The following ATRNL1 variants were observed in gnomAD, a reference collection of about 807,000 sequenced individuals.
ATRNL1 encodes the protein attractin-like protein 1.
ATRNL1 carries 95 observed loss-of-function variants against 182.7 expected under a neutral mutation model. That is an observed-to-expected ratio of 0.52 (90% CI 0.44 to 0.62). ATRNL1 has a LOEUF of 0.62. Among genes scored for constraint, ATRNL1 ranks in the 20% least tolerant of loss-of-function variants. The probability of loss-of-function intolerance (pLI) is 0.00; values close to 1 mark genes in which losing one functional copy is unlikely to be tolerated. For missense variants in ATRNL1, 1,471 were observed against 1,679.5 expected, an observed-to-expected ratio of 0.88 and a Z score of 2.17; for synonymous variants, 576 against 568.3, an observed-to-expected ratio of 1.01 and a Z score of -0.19.
In ATRNL1 at chr10:115,945,927, A is replaced by T. The variant is rs1390280337; in HGVS notation, c.*1148A>T. 6.6e-6 allele frequency: 1 copy of T among 152,212 alleles called. No individual in the cohort carries two copies. Among genetic ancestry groups the T allele is most frequent in the Non-Finnish European group, 1.5e-5 (1 of 68,044 alleles). 9.4% of individuals were successfully genotyped at this position (152,212 alleles called of 1,614,324 possible). ...AGAAAATATGTCCATGGTTGCCCAC[A>T]GTCAGCACACTCTTAGTGACTCAAA... is the stretch of plus-strand genomic sequence containing the variant. On this transcript the variant is annotated 3_prime_UTR_variant, in exon 29 of 29. Transcript: ENST00000355044.
chr10:115,660,647 G>A (rs1555037434), intron 26 of ATRNL1, among the ~76,000 whole-genome samples: 7 of 151,964 alleles, frequency 4.6e-5, no homozygotes, highest in Non-Finnish European at 1.5e-5. Context: ...AAATGAACAG[G>A]GTGACAAACC....
intron 28 of ATRNL1, among the ~76,000 whole-genome samples, chr10:115,924,662 TAGTTTGA>T (rs1431659030): frequency 3.3e-5 from 5 of 152,348 alleles, no homozygotes; most frequent in Admixed American, 3.3e-4. Context: ...CCTTGTAAGA[TAGTTTGA>T]AGTCAGGTAG....
intron 15 of ATRNL1, among the ~76,000 whole-genome samples, chr10:115,294,930 C>T (rs1317113639): frequency 6.6e-6 from 1 of 152,092 alleles, no homozygotes; most frequent in Non-Finnish European, 1.5e-5. Flanking sequence ...AGAGTGTGCT[C>T]ACCTTGCTGT....
intron 24 of ATRNL1, among the ~76,000 whole-genome samples, chr10:115,495,827 A>G (rs1215160517): frequency 2.6e-5 from 4 of 152,036 alleles, no homozygotes; most frequent in East Asian, 1.9e-4. Context: ...CTGTAGATGT[A>G]TGTTAGGTCC....
At chr10:115,147,367 GGTCCCT>G (rs1400460315) in intron 5 of ATRNL1, among the ~76,000 whole-genome samples, 2 of 152,000 alleles carry the variant, frequency 1.3e-5, no homozygotes, top group African/African-American at 4.8e-5. Flanking sequence ...CTGGATTTTA[GGTCCCT>G]GTCAGTAACA....
chr10:115,298,770 T>G (rs1437742543), intron 15 of ATRNL1, among the ~76,000 whole-genome samples: 2 of 152,134 alleles, frequency 1.3e-5, no homozygotes, highest in African/African-American at 4.8e-5. Context: ...ATTTTTATTC[T>G]AATGAATTTT....
At chr10:115,921,283 TATAG>T (rs1399912454) in intron 28 of ATRNL1, among the ~76,000 whole-genome samples, 1 of 152,068 alleles carries the variant, frequency 6.6e-6, no homozygotes, top group Admixed American at 6.6e-5. Context: ...AAAAAATAAT[TATAG>T]ATAGTCTAAA....
chr10:115,476,018 A>C (rs1848513392), intron 24 of ATRNL1, among the ~76,000 whole-genome samples: 1 of 151,228 alleles, frequency 6.6e-6, no homozygotes, highest in Non-Finnish European at 1.5e-5. Flanking sequence ...TAAATCGTTG[A>C]TTTTAGAACT....
intron 28 of ATRNL1, among the ~76,000 whole-genome samples, chr10:115,850,008 G>A (rs892683174): frequency 1.3e-5 from 2 of 152,092 alleles, no homozygotes; most frequent in Admixed American, 6.6e-5. Flanking sequence ...GAGTATCTGC[G>A]TACATAATTC....
intron 27 of ATRNL1, among the ~76,000 whole-genome samples, chr10:115,729,273 G>A (rs574839747): frequency 6.6e-6 from 1 of 151,982 alleles, no homozygotes; most frequent in South Asian, 2.1e-4. Context: ...ACCTTAAATT[G>A]TATTTTGTAG....
intron 27 of ATRNL1, among the ~76,000 whole-genome samples, chr10:115,839,637 A>G (rs1212487798): frequency 6.6e-6 from 1 of 151,960 alleles, no homozygotes; most frequent in Non-Finnish European, 1.5e-5. Flanking sequence ...CTTCTCCAGA[A>G]CTTCACATAC....
chr10:115,382,194 TG>T (rs1401250607), intron 19 of ATRNL1, among the ~76,000 whole-genome samples: 4 of 152,200 alleles, frequency 2.6e-5, no homozygotes. Context: ...TGTAATTATA[TG>T]TGTATTTTAG....
chr10:115,615,463 G>T (rs1418831769), intron 26 of ATRNL1, among the ~76,000 whole-genome samples: 1 of 151,934 alleles, frequency 6.6e-6, no homozygotes, highest in South Asian at 2.1e-4. Flanking sequence ...TTTCTGGAGT[G>T]TACAGTTTCT....
chr10:115,209,675 GA>G (rs1399672384), intron 8 of ATRNL1, among the ~76,000 whole-genome samples: 6 of 150,940 alleles, frequency 4.0e-5, no homozygotes, highest in African/African-American at 9.7e-5. Flanking sequence ...CTACCAAATT[GA>G]AAAAAAATTC....
intron 24 of ATRNL1, among the ~76,000 whole-genome samples, chr10:115,494,067 G>A (rs1849433451): frequency 6.6e-6 from 1 of 151,982 alleles, no homozygotes; most frequent in Admixed American, 6.6e-5. Context: ...TTATTCTATA[G>A]GCTGCTTAAT....
At chr10:115,874,187 A>G (rs549403234) in intron 28 of ATRNL1, among the ~76,000 whole-genome samples, 1 of 152,264 alleles carries the variant, frequency 6.6e-6, no homozygotes, top group African/African-American at 2.4e-5. Context: ...GTCTTCTGCC[A>G]CAACTGGGCT....
At chr10:115,328,339 C>A (rs991825134) in intron 18 of ATRNL1, among the ~76,000 whole-genome samples, 1 of 151,922 alleles carries the variant, frequency 6.6e-6, no homozygotes, top group African/African-American at 2.4e-5. Context: ...CGGTTCAATG[C>A]GATGTTTTAA....
chr10:115,583,601 G>T (rs1855280704), intron 26 of ATRNL1, among the ~76,000 whole-genome samples: 1 of 131,478 alleles, frequency 7.6e-6, no homozygotes, highest in Non-Finnish European at 1.7e-5. Context: ...CATTGATTTT[G>T]TATCCTGAAA....
chr10:115,761,963 T>C (rs1555073734), intron 27 of ATRNL1, among the ~76,000 whole-genome samples: 1 of 152,180 alleles, frequency 6.6e-6, no homozygotes, highest in Non-Finnish European at 1.5e-5. Context: ...CCACAAGGGC[T>C]CTTTTCTCTT....
Sources: gnomAD v4.1 joint callset for allele counts (sites outside exome capture counted in the v4.1 genomes callset) on GRCh38, gnomAD v4.1.1 for gene constraint, MANE v1.5 for transcripts, NCBI Gene and HGNC (gene_info 2026-07-23, HGNC 2026-07-21) for gene names.